The following PCDHA4 variants were observed in gnomAD, a reference collection of about 807,000 sequenced individuals.
The protein encoded by PCDHA4 is protocadherin alpha 4.
PCDHA4 carries 49 observed loss-of-function variants against 61.4 expected under a neutral mutation model. The ratio of observed to expected loss-of-function variants is 0.80; its 90% CI spans 0.63 to 1.01. PCDHA4 has a LOEUF of 1.01. PCDHA4 is among the 50% of genes least tolerant of loss of function. PCDHA4 has a pLI of 0.00. For synonymous variants in PCDHA4, 590 were observed against 550.3 expected (o/e 1.07, Z -1.01); for missense variants, 1,254 against 1,235.8 (o/e 1.01, Z -0.22).
chr5:140,853,742 G>A, intron 1 of PCDHA4: 1 of 988,574 alleles, frequency 1.0e-6, no homozygotes, highest in Non-Finnish European at 1.2e-6. Context: ...GAATGTTCTG[G>A]TTCAAGGCTC....
At chr5:140,823,144 C>T (rs1332340413) in intron 1 of PCDHA4, 2 of 1,614,006 alleles carry the variant, frequency 1.2e-6, no homozygotes, top group Non-Finnish European at 1.7e-6. Context: ...GTTCGCGCAG[C>T]CCCAGTATAC....
Position 141,010,190 on chromosome 5 carries a change from C to G in PCDHA4, c.*253C>G. On this transcript the variant is annotated 3_prime_UTR_variant, in exon 4 of 4. Transcript: ENST00000530339. ...GAACCTAAAAAGCAGACCCAAGTTT[C>G]CTTTCTCCTCCGCCGCAAAGGAGAG... 1 of 1,552,504 alleles carries G rather than the reference C, an allele frequency of 6.4e-7. No individual in the cohort carries two copies. Among genetic ancestry groups the G allele is most frequent in the East Asian group, 2.4e-5 (1 of 40,930 alleles).
chr5:140,830,290 G>A (rs2150184535), intron 1 of PCDHA4: 3 of 1,613,848 alleles, frequency 1.9e-6, no homozygotes, highest in East Asian at 2.2e-5. Context: ...GCGCGTGCAC[G>A]GCGGACAAGC....
chr5:140,967,836 A>G, intron 1 of PCDHA4: 1 of 1,614,136 alleles, frequency 6.2e-7, no homozygotes, highest in African/African-American at 1.3e-5. Flanking sequence ...GACATCGTGG[A>G]CGTGAATGAC....
rs1777075612 is a variant in PCDHA4 at position 140,841,185 on chromosome 5, G to A, written c.2385+31613G>A. The A allele has an allele frequency of 5.9e-6, 7 of 1,192,098 alleles. No homozygotes were observed. In the Admixed American group the frequency reaches 1.3e-4, roughly 22 times the overall value. The allele number at this position is 1,192,098 out of a possible 1,614,324, so 73.8% of individuals were successfully genotyped here. A position where few individuals can be genotyped will look rare whatever the true frequency, so the allele number is the denominator to read the frequency against. Reference sequence around the variant, plus strand: ...AAGTTCTGGTTGGTCAATGTTCAAAGTCTTTTCTCTGACAGCATCTGTCTC... The same window carrying A: ...AAGTTCTGGTTGGTCAATGTTCAAAATCTTTTCTCTGACAGCATCTGTCTC... On this transcript the variant is annotated intron_variant, in intron 1 of 3. Coordinates refer to ENST00000530339, the MANE Select transcript of PCDHA4 (RefSeq NM_018907.4).
chr5:140,927,294 C>T (rs781944508), intron 1 of PCDHA4: 10 of 1,614,062 alleles, frequency 6.2e-6, no homozygotes, highest in South Asian at 3.3e-5. Context: ...TGCACATCCC[C>T]GAGTTCCTGA....
At chr5:140,968,665 T>C (rs782078145) in intron 1 of PCDHA4, 4 of 1,614,042 alleles carry the variant, frequency 2.5e-6, no homozygotes, top group Non-Finnish European at 3.4e-6. Context: ...TGGACCTCTT[T>C]AAGGTAGAGC....
chr5:140,927,706 C>G lies in PCDHA4; in HGVS notation c.2386-51243C>G, dbSNP rs1584519766. The G allele has an allele frequency of 1.2e-6, 2 of 1,614,108 alleles. No homozygotes were observed. Among genetic ancestry groups the G allele is most frequent in the African/African-American group, 2.7e-5 (2 of 74,940 alleles). Reference sequence around the variant, plus strand: ...GTCCAATGGGGAAGTCCAGTACTCCCTAAGCAACAGCACGCAAGCAGAGCT... The same window carrying G: ...GTCCAATGGGGAAGTCCAGTACTCCGTAAGCAACAGCACGCAAGCAGAGCT... On this transcript the variant is annotated intron_variant, in intron 1 of 3. Coordinates refer to ENST00000530339, the MANE Select transcript of PCDHA4 (RefSeq NM_018907.4).
At chr5:140,987,239 G>T (rs1005484275) in intron 3 of PCDHA4, among the ~76,000 whole-genome samples, 6 of 151,586 alleles carry the variant, frequency 4.0e-5, no homozygotes, top group East Asian at 1.9e-4. Flanking sequence ...AATAAATAAA[G>T]AAAGAAAGAC....
chr5:140,829,210 C>G (rs375156998), intron 1 of PCDHA4: 3 of 1,614,110 alleles, frequency 1.9e-6, no homozygotes, highest in Non-Finnish European at 2.5e-6. Context: ...CCCTAATTAG[C>G]GTGAACGACC....
At chr5:140,864,452 T>C (rs1368510551) in intron 1 of PCDHA4, 1 of 152,266 alleles carries the variant, frequency 6.6e-6, no homozygotes, top group East Asian at 1.9e-4. Context: ...TCATGATCAA[T>C]ATCCATCTTT....
At chr5:140,871,116 C>T (rs200344692) in intron 1 of PCDHA4, 44 of 1,613,146 alleles carry the variant, frequency 2.7e-5, no homozygotes, top group Non-Finnish European at 3.6e-5. Flanking sequence ...TGGTGGAGAG[C>T]GGACAGGCGC....
chr5:140,814,367 A>G (rs1202893906), intron 1 of PCDHA4: 1 of 151,888 alleles, frequency 6.6e-6, no homozygotes, highest in Non-Finnish European at 1.5e-5. Context: ...ATGCGATGCT[A>G]TCATCTCCTA....
chr5:140,836,538 A>G, intron 1 of PCDHA4: 1 of 1,613,734 alleles, frequency 6.2e-7, no homozygotes, highest in Non-Finnish European at 8.5e-7. Flanking sequence ...GCTGCTGTAC[A>G]CGGCGTTGCG....
intron 1 of PCDHA4, chr5:140,822,158 A>G (rs2150114176): frequency 6.2e-7 from 1 of 1,614,246 alleles, no homozygotes; most frequent in East Asian, 2.2e-5. Context: ...ATCAATGACA[A>G]TCCGCCCAGG....
chr5:140,870,344 G>A (rs782661960), intron 1 of PCDHA4: 1 of 1,614,196 alleles, frequency 6.2e-7, no homozygotes, highest in Admixed American at 1.7e-5. Flanking sequence ...GCCCTGGACC[G>A]CGAGAACGTG....
At position 140,924,716 on chromosome 5, in the gene PCDHA4, G is replaced by A. The variant is rs534222527; in HGVS notation, c.2386-54233G>A. On this transcript the variant is annotated intron_variant, in intron 1 of 3. Coordinates refer to ENST00000530339, the MANE Select transcript of PCDHA4 (RefSeq NM_018907.4). The stretch of plus-strand genomic sequence containing the variant: ...TCGAGACCAGCTTGTGCAACATGGC[G>A]AAACCTCACCTCTAATAAAAATACA... Among the ~76,000 whole-genome samples, 5 of 151,980 alleles carry A rather than the reference G, an allele frequency of 3.3e-5. No homozygotes were observed. The South Asian group carries it at 1.0e-3, about 32-fold the overall frequency.
chr5:140,949,852 T>C (rs1311994394), intron 1 of PCDHA4, among the ~76,000 whole-genome samples: 1 of 151,956 alleles, frequency 6.6e-6, no homozygotes. Context: ...TGTTTCCGCT[T>C]ATCTGTTGTC....
At chr5:140,911,716 T>A (rs2075609522) in intron 1 of PCDHA4, among the ~76,000 whole-genome samples, 1 of 151,644 alleles carries the variant, frequency 6.6e-6, no homozygotes, top group Non-Finnish European at 1.5e-5. Context: ...TTTGTGTAAC[T>A]CTGTAAACAG....
Sources: gnomAD v4.1 joint callset for allele counts (sites outside exome capture counted in the v4.1 genomes callset) on GRCh38, gnomAD v4.1.1 for gene constraint, MANE v1.5 for transcripts, NCBI Gene and HGNC (gene_info 2026-07-23, HGNC 2026-07-21) for gene names.